LGR5: variants seen among roughly 807,000 people sequenced by gnomAD.
LGR5 encodes leucine rich repeat containing G protein-coupled receptor 5, also known as leucine-rich repeat-containing G protein-coupled receptor 5.
Under a neutral mutation model 76.7 loss-of-function variants are expected in LGR5, and 54 were observed. The ratio of observed to expected loss-of-function variants is 0.70; its 90% CI spans 0.57 to 0.88. The LOEUF (loss-of-function observed/expected upper bound fraction) is 0.88. Ranked by LOEUF, LGR5 falls within the 40% of genes least tolerant of loss-of-function variation. LGR5 has a pLI of 0.00. For synonymous variants in LGR5, 406 were observed against 421.9 expected, an observed-to-expected ratio of 0.96 and a Z score of 0.46; for missense variants, 1,078 against 1,073.3, an observed-to-expected ratio of 1.00 and a Z score of -0.06.
chr12:71,559,564 A>T (rs749244356), intron 6 of LGR5, 22 bp from the exon 7 acceptor site: 3 of 1,352,238 alleles, frequency 2.2e-6, no homozygotes, highest in South Asian at 2.4e-5. Context: ...AAAAACTGAA[A>T]ATACTATGTA....
chr12:71,506,202 A>C (rs1399644064), intron 2 of LGR5, among the ~76,000 whole-genome samples: 2 of 152,166 alleles, frequency 1.3e-5, no homozygotes, highest in Non-Finnish European at 2.9e-5. Context: ...CAATTAATAT[A>C]GAATAGACAG....
Position 71,553,058 on chromosome 12 carries a change from T to A in LGR5, c.429-15T>A. The A allele has an allele frequency of 6.2e-7, 1 of 1,612,638 alleles. No individual in the cohort carries two copies. The highest frequency in any genetic ancestry group is 8.5e-7 in the Non-Finnish European group (1 of 1,178,948). ...CTTTGCTCTCTTTTCCATTCTTGCTTTCTTTCTTCCACAGGCGTCTGGATG... is the reference window on the plus strand; with the variant it reads ...CTTTGCTCTCTTTTCCATTCTTGCTATCTTTCTTCCACAGGCGTCTGGATG... On this transcript the variant is annotated splice_polypyrimidine_tract_variant and intron_variant, in intron 4 of 17. Transcript: ENST00000266674.
intron 1 of LGR5, among the ~76,000 whole-genome samples, chr12:71,453,056 T>G (rs1872313082): frequency 6.6e-6 from 1 of 152,200 alleles, no homozygotes; most frequent in South Asian, 2.1e-4. Context: ...AGTATAAGTG[T>G]AATTTTCATT....
chr12:71,467,032 T>C (rs566952031), intron 1 of LGR5, among the ~76,000 whole-genome samples: 1 of 151,898 alleles, frequency 6.6e-6, no homozygotes, highest in East Asian at 1.9e-4. Context: ...ACAAAAATAG[T>C]CATCATTTAT....
intron 1 of LGR5, among the ~76,000 whole-genome samples, chr12:71,486,666 T>C (rs1054631721): frequency 6.6e-6 from 1 of 152,350 alleles, no homozygotes; most frequent in Middle Eastern, 3.4e-3. Context: ...GTTGAGCAGC[T>C]AAAAATATCA....
intron 1 of LGR5, among the ~76,000 whole-genome samples, chr12:71,476,002 A>T (rs1161860405): frequency 6.6e-6 from 1 of 152,170 alleles, no homozygotes. Context: ...TTGGGGATTG[A>T]CACGCAGGGT....
At chr12:71,497,194 G>T (rs997645537) in intron 1 of LGR5, among the ~76,000 whole-genome samples, 1 of 152,016 alleles carries the variant, frequency 6.6e-6, no homozygotes, top group Non-Finnish European at 1.5e-5. Flanking sequence ...GCAAACCTGT[G>T]GTTCCAGCTA....
chr12:71,510,348 G>GTA (rs529254947), intron 2 of LGR5, among the ~76,000 whole-genome samples: 16 of 152,096 alleles, frequency 1.1e-4, no homozygotes, highest in East Asian at 3.9e-4. Flanking sequence ...CGGTCATTGT[G>GTA]TATATATATA....
chr12:71,473,532 A>C (rs1268137413), intron 1 of LGR5, among the ~76,000 whole-genome samples: 1 of 152,036 alleles, frequency 6.6e-6, no homozygotes, highest in Non-Finnish European at 1.5e-5. Context: ...CCAGCACTTC[A>C]GGAGGCTGAG....
intron 1 of LGR5, among the ~76,000 whole-genome samples, chr12:71,478,257 T>C (rs1351220631): frequency 6.6e-6 from 1 of 152,230 alleles, no homozygotes; most frequent in Non-Finnish European, 1.5e-5. Context: ...CAGTGACTTA[T>C]TGGCTCTTGA....
chr12:71,439,973 C>G lies in LGR5; in HGVS notation c.-108C>G. Reference sequence around the variant, plus strand: ...CGCGGCGTCTGGCGCTGCAGACGCCCGCTGAGTTGCAGAAGCCCACGGAGC... The same window carrying G: ...CGCGGCGTCTGGCGCTGCAGACGCCGGCTGAGTTGCAGAAGCCCACGGAGC... On this transcript the variant is annotated 5_prime_UTR_variant, in exon 1 of 18. Transcript: ENST00000266674. The G allele has an allele frequency of 1.0e-6, 1 of 1,003,358 alleles. No homozygotes were observed. Among genetic ancestry groups the G allele is most frequent in the Non-Finnish European group, 1.5e-6 (1 of 689,168 alleles). The allele number at this position is 1,003,358 out of a possible 1,614,324, so 62.2% of individuals were successfully genotyped here.
chr12:71,456,837 A>G (rs1010576884), intron 1 of LGR5, among the ~76,000 whole-genome samples: 2 of 152,164 alleles, frequency 1.3e-5, no homozygotes, highest in South Asian at 4.1e-4. Context: ...TTTTTGAAAG[A>G]GCTGAGCAAG....
intron 4 of LGR5, among the ~76,000 whole-genome samples, chr12:71,543,743 T>C (rs1309897358): frequency 2.0e-5 from 3 of 152,164 alleles, no homozygotes; most frequent in African/African-American, 7.2e-5. Context: ...TCAGAGGCTG[T>C]TGCAGTAATG....
At chr12:71,546,888 T>C (rs1197652535) in intron 4 of LGR5, among the ~76,000 whole-genome samples, 3 of 152,320 alleles carry the variant, frequency 2.0e-5, no homozygotes, top group East Asian at 3.9e-4. Context: ...CCACTTACTT[T>C]GGATACTCAA....
At chr12:71,511,768 A>C (rs1179360761) in intron 2 of LGR5, among the ~76,000 whole-genome samples, 1 of 152,002 alleles carries the variant, frequency 6.6e-6, no homozygotes, top group East Asian at 1.9e-4. Flanking sequence ...AGCCGCCCAC[A>C]AGCATTTTCT....
chr12:71,534,798 T>A (rs1259590577), intron 3 of LGR5, among the ~76,000 whole-genome samples: 1 of 152,176 alleles, frequency 6.6e-6, no homozygotes, highest in African/African-American at 2.4e-5. Flanking sequence ...TTCCTTCTGG[T>A]CTCCAGTTAA....
intron 1 of LGR5, among the ~76,000 whole-genome samples, chr12:71,502,134 T>C (rs184473981): frequency 1.6e-4 from 24 of 151,882 alleles, no homozygotes; most frequent in Admixed American, 1.4e-3. Context: ...AATTACAATA[T>C]GATATGTCAG....
intron 1 of LGR5, among the ~76,000 whole-genome samples, chr12:71,484,717 T>C (rs762143407): frequency 2.4e-4 from 36 of 152,234 alleles, no homozygotes; most frequent in Non-Finnish European, 4.4e-4. Context: ...GGATGTGAGC[T>C]GAGTACACAC....
intron 1 of LGR5, among the ~76,000 whole-genome samples, chr12:71,460,803 C>A (rs993963941): frequency 3.9e-5 from 6 of 152,138 alleles, no homozygotes; most frequent in African/African-American, 1.4e-4. Context: ...CCTTACACAG[C>A]GCCTCCATTT....
Sources: gnomAD v4.1 joint callset for allele counts (sites outside exome capture counted in the v4.1 genomes callset) on GRCh38, gnomAD v4.1.1 for gene constraint, MANE v1.5 for transcripts, NCBI Gene and HGNC (gene_info 2026-07-23, HGNC 2026-07-21) for gene names.